ASMT: variants seen among roughly 807,000 people sequenced by gnomAD.
ASMT encodes the protein acetylserotonin N-methyltransferase.
ASMT carries 53 observed loss-of-function variants against 41.3 expected under a neutral mutation model. That is an observed-to-expected ratio of 1.28 (90% CI 1.03 to 1.61). The LOEUF (loss-of-function observed/expected upper bound fraction) is 1.61. ASMT is among the 40% of genes most tolerant of loss of function. The pLI is 0.00. For missense variants in ASMT, 531 were observed against 441.3 expected (o/e 1.20, Z -1.82); for synonymous variants, 231 against 184.8 (o/e 1.25, Z -2.03).
rs755678487 is a variant in ASMT at position 1,623,283 on chromosome X, C to A, written c.214C>A (p.Leu72Met). Reference protein sequence around the residue: ...LLLDICVSLKLLKVETRGGKA... With the variant: ...LLLDICVSLKMLKVETRGGKA... ...GCTGGACATCTGTGTGTCCCTGAAG[C>A]TGCTGAAAGTGGAGACGAGGGGAGG... The change falls in exon 2 of 9, where the codon CTG becomes ATG. Residue 72 changes from leucine to methionine, a missense_variant. Coordinates refer to ENST00000381241, the MANE Select transcript of ASMT (RefSeq NM_001171038.2). 1 of 1,613,926 alleles carries A rather than the reference C, an allele frequency of 6.2e-7. No homozygotes were observed. Among genetic ancestry groups the A allele is most frequent in the Non-Finnish European group, 8.5e-7 (1 of 1,179,876 alleles).
chrX:1,629,605 T>C (rs1327118978), intron 4 of ASMT, among the ~76,000 whole-genome samples: 2 of 152,188 alleles, frequency 1.3e-5, no homozygotes, highest in African/African-American at 4.8e-5. Flanking sequence ...TCGTCCGTTC[T>C]GAATCAACTC....
chrX:1,636,824 C>G (rs1433701148), intron 8 of ASMT, among the ~76,000 whole-genome samples: 2 of 152,372 alleles, frequency 1.3e-5, no homozygotes, highest in East Asian at 1.9e-4. Context: ...CAGAATTAGG[C>G]TAGTATTTGT....
intron 1 of ASMT, among the ~76,000 whole-genome samples, chrX:1,621,488 T>G (rs1243483636): frequency 1.3e-3 from 194 of 152,032 alleles, no homozygotes; most frequent in Non-Finnish European, 1.9e-3. Flanking sequence ...CAGCTAATTT[T>G]TATACTTTTA....
intron 1 of ASMT, among the ~76,000 whole-genome samples, chrX:1,618,052 C>T (rs1244842628): frequency 2.6e-5 from 4 of 152,174 alleles, no homozygotes; most frequent in African/African-American, 9.7e-5. Context: ...CACTGATACG[C>T]AGAGCGGCCT....
intron 6 of ASMT, 23 bp from the exon 7 acceptor site, chrX:1,633,127 A>G: frequency 6.2e-7 from 1 of 1,613,946 alleles, no homozygotes; most frequent in Non-Finnish European, 8.5e-7. Flanking sequence ...TCTGAGGGTC[A>G]AACGGGCTGT....
intron 1 of ASMT, among the ~76,000 whole-genome samples, chrX:1,615,563 G>T (rs1381953037): frequency 6.6e-6 from 1 of 152,066 alleles, no homozygotes; most frequent in Non-Finnish European, 1.5e-5. Context: ...AGCACTTTGG[G>T]AGGCTGAGGC....
At chrX:1,636,016 T>C (rs1934945639) in intron 7 of ASMT, among the ~76,000 whole-genome samples, 3 of 149,510 alleles carry the variant, frequency 2.0e-5, no homozygotes, top group Non-Finnish European at 3.0e-5. Context: ...AGTGCAATGG[T>C]GCAATCTCGG....
At chrX:1,631,204 G>C (rs1934765509) in intron 5 of ASMT, among the ~76,000 whole-genome samples, 12 of 151,414 alleles carry the variant, frequency 7.9e-5, no homozygotes. Context: ...ATGAGCCACT[G>C]CGCCGAGCTC....
At chrX:1,636,160 T>C (rs1387637820) in intron 7 of ASMT, 1 of 451,656 alleles carries the variant, frequency 2.2e-6, no homozygotes, top group Non-Finnish European at 4.2e-6. Flanking sequence ...GGTTTCACCG[T>C]GTTAGCCAGG....
chrX:1,632,229 A>T (rs1399735970), intron 5 of ASMT, among the ~76,000 whole-genome samples: 1 of 152,162 alleles, frequency 6.6e-6, no homozygotes, highest in Non-Finnish European at 1.5e-5. Context: ...GCCGGCTTCA[A>T]GAACACACAG....
rs372304809 is a variant in ASMT at position 1,634,789 on chromosome X, A to T, written c.787+1499A>T. Among the ~76,000 whole-genome samples the T allele has an allele frequency of 4.7e-5, 7 of 149,238 alleles. No homozygotes were observed. The Admixed American group carries it at 4.8e-4, about 10-fold the overall frequency. ...AAGCAATTTTTTGCCTCAGCCTCCTAAGTAGCTGAGATTTTACAGGTGCCT... is the reference window on the plus strand; with the variant it reads ...AAGCAATTTTTTGCCTCAGCCTCCTTAGTAGCTGAGATTTTACAGGTGCCT... On this transcript the variant is annotated intron_variant, in intron 7 of 8. Transcript: ENST00000381241.
intron 4 of ASMT, among the ~76,000 whole-genome samples, chrX:1,629,381 C>G (rs6588806): frequency 6.6e-6 from 1 of 152,042 alleles, no homozygotes; most frequent in African/African-American, 2.4e-5. Flanking sequence ...CCTCTGTGTC[C>G]ACCTATCCTT....
intron 3 of ASMT, among the ~76,000 whole-genome samples, chrX:1,625,164 G>A (rs1255375942): frequency 4.0e-5 from 6 of 148,414 alleles, no homozygotes; most frequent in African/African-American, 1.5e-4. Flanking sequence ...GAGCGCAGTG[G>A]CGCCATCTCG....
In ASMT at chrX:1,623,156, C is replaced by T. The variant is rs199647924; in HGVS notation, c.87C>T (p.Cys29=). ...GCTCCAAGGTTCTCTTCGCCGCCTGCGAGCTGGGCGTGTTTGACCTTCTCG... is the reference window on the plus strand; with the variant it reads ...GCTCCAAGGTTCTCTTCGCCGCCTGTGAGCTGGGCGTGTTTGACCTTCTCG... The part of the protein sequence containing the change: ...FMVSQVLFAA[C]ELGVFDLLAE... The change falls in exon 2 of 9, where the codon TGC becomes TGT. Residue 29 remains cysteine, a synonymous_variant. Transcript: ENST00000381241. The T allele has an allele frequency of 8.7e-5, 141 of 1,612,652 alleles. No individual in the cohort carries two copies. Among genetic ancestry groups the T allele is most frequent in the Middle Eastern group, 7.9e-4 (4 of 5,084 alleles).
At chrX:1,627,984 T>C in intron 4 of ASMT, 1 of 628,686 alleles carries the variant, frequency 1.6e-6, no homozygotes, top group Non-Finnish European at 2.9e-6. Context: ...AACGTGACCC[T>C]TCCTTCGAAA....
rs1161130447 is a variant in ASMT at position 1,615,092 on chromosome X, G to A, written c.-108G>A. On this transcript the variant is annotated 5_prime_UTR_variant, in exon 1 of 9. Coordinates refer to ENST00000381241, the MANE Select transcript of ASMT (RefSeq NM_001171038.2). ...ACTGGGCAGGCAGCAGGGAGAGTCAGGCAGCAGCTGTGAGCGGGTGGCTCT... is the reference window on the plus strand; with the variant it reads ...ACTGGGCAGGCAGCAGGGAGAGTCAAGCAGCAGCTGTGAGCGGGTGGCTCT... 4 of 904,536 alleles carry A rather than the reference G, an allele frequency of 4.4e-6. No homozygotes were observed. Among genetic ancestry groups the A allele is most frequent in the Non-Finnish European group, 7.2e-6 (4 of 555,672 alleles). The allele number at this position is 904,536 out of a possible 1,614,324, so 56.0% of individuals were successfully genotyped here.
At chrX:1,615,944 T>C (rs1934079872) in intron 1 of ASMT, among the ~76,000 whole-genome samples, 1 of 152,208 alleles carries the variant, frequency 6.6e-6, no homozygotes, top group Admixed American at 6.6e-5. Flanking sequence ...ATGTGGTTGT[T>C]TATTAACCCA....
At chrX:1,637,074 T>G (rs1317160883) in intron 8 of ASMT, among the ~76,000 whole-genome samples, 2 of 103,930 alleles carry the variant, frequency 1.9e-5, no homozygotes, top group South Asian at 3.1e-4. Context: ...GGGCACAGCC[T>G]CTGTGTGTGA....
At chrX:1,621,047 G>A (rs1934321301) in intron 1 of ASMT, among the ~76,000 whole-genome samples, 1 of 152,070 alleles carries the variant, frequency 6.6e-6, no homozygotes, top group African/African-American at 2.4e-5. Context: ...CGTGAGCCGA[G>A]ATTGCACCGC....
Sources: gnomAD v4.1 joint callset for allele counts (sites outside exome capture counted in the v4.1 genomes callset) on GRCh38, gnomAD v4.1.1 for gene constraint, MANE v1.5 for transcripts, NCBI Gene and HGNC (gene_info 2026-07-23, HGNC 2026-07-21) for gene names.